Variants in AUTS2 observed in about 807,000 individuals in gnomAD.
AUTS2 encodes the protein activator of transcription and developmental regulator AUTS2.
AUTS2 carries 17 observed loss-of-function variants against 112.4 expected under a neutral mutation model. The observed-to-expected ratio is 0.15, with a 90% CI of 0.10 to 0.23. The LOEUF is 0.23. Ranked by LOEUF, AUTS2 falls within the 10% of genes least tolerant of loss-of-function variation. The pLI, the probability that AUTS2 is intolerant of heterozygous loss-of-function variation, is 1.00. For synonymous variants in AUTS2, 751 were observed against 702.7 expected (o/e 1.07, Z -1.09); for missense variants, 1,510 against 1,701.6 (o/e 0.89, Z 1.98).
chr7:70,369,150 G>A (rs540561568), intron 4 of AUTS2, among the ~76,000 whole-genome samples: 7 of 152,248 alleles, frequency 4.6e-5, no homozygotes, highest in Admixed American at 4.6e-4. Flanking sequence ...TTCTTGGAAT[G>A]GGAAGAGAAA....
intron 2 of AUTS2, among the ~76,000 whole-genome samples, chr7:70,072,016 G>A (rs1485685523): frequency 1.3e-5 from 2 of 152,154 alleles, no homozygotes; most frequent in Non-Finnish European, 2.9e-5. Context: ...GGAAAACTCT[G>A]CAGGCCCTAT....
At chr7:69,618,659 A>G (rs1786489067) in intron 1 of AUTS2, among the ~76,000 whole-genome samples, 1 of 152,160 alleles carries the variant, frequency 6.6e-6, no homozygotes, top group Admixed American at 6.5e-5. Flanking sequence ...AATTTGTCTA[A>G]AAATGTATGC....
chr7:70,282,501 A>G (rs1192724565), intron 4 of AUTS2, among the ~76,000 whole-genome samples: 2 of 152,146 alleles, frequency 1.3e-5, no homozygotes, highest in Admixed American at 1.3e-4. Flanking sequence ...TGTCCTTTAC[A>G]TGGTAGAAGG....
intron 2 of AUTS2, among the ~76,000 whole-genome samples, chr7:70,035,006 T>A (rs1800939264): frequency 6.6e-6 from 1 of 152,152 alleles, no homozygotes. Context: ...TCAATTCTAC[T>A]TTTGATGAAG....
At chr7:69,856,799 G>A (rs1792746251) in intron 1 of AUTS2, among the ~76,000 whole-genome samples, 1 of 152,220 alleles carries the variant, frequency 6.6e-6, no homozygotes, top group Non-Finnish European at 1.5e-5. Flanking sequence ...ACAGGACACA[G>A]TTGGATCAGC....
At chr7:70,204,969 G>T (rs1018998502) in intron 4 of AUTS2, among the ~76,000 whole-genome samples, 2 of 152,044 alleles carry the variant, frequency 1.3e-5, no homozygotes, top group Non-Finnish European at 2.9e-5. Flanking sequence ...ATTTGAGTTT[G>T]GTGACTGTGT....
At chr7:70,503,773 C>T (rs984499994) in intron 5 of AUTS2, among the ~76,000 whole-genome samples, 4 of 151,398 alleles carry the variant, frequency 2.6e-5, no homozygotes, top group African/African-American at 9.7e-5. Context: ...CCCACCTTGG[C>T]CTCCCAAAAT....
At chr7:70,412,379 C>T (rs1177309627) in intron 4 of AUTS2, among the ~76,000 whole-genome samples, 1 of 151,812 alleles carries the variant, frequency 6.6e-6, no homozygotes, top group Non-Finnish European at 1.5e-5. Context: ...TGGATTGATA[C>T]TAAGAGAATA....
intron 5 of AUTS2, among the ~76,000 whole-genome samples, chr7:70,466,009 C>G (rs1276287119): frequency 2.6e-5 from 4 of 152,090 alleles, no homozygotes; most frequent in Non-Finnish European, 5.9e-5. Flanking sequence ...TGGTGTTTCA[C>G]CATGTCATCT....
At chr7:70,452,391 G>A (rs1306361505) in intron 5 of AUTS2, among the ~76,000 whole-genome samples, 5 of 152,090 alleles carry the variant, frequency 3.3e-5, no homozygotes, top group South Asian at 2.1e-4. Flanking sequence ...CCCGGGAGGC[G>A]GAGGTTGCAG....
intron 1 of AUTS2, among the ~76,000 whole-genome samples, chr7:69,720,989 A>G (rs1798901756): frequency 6.6e-6 from 1 of 152,232 alleles, no homozygotes; most frequent in Non-Finnish European, 1.5e-5. Flanking sequence ...CTTACACAGC[A>G]GCAAAAAGAA....
chr7:70,342,336 T>G (rs1489425140), intron 4 of AUTS2, among the ~76,000 whole-genome samples: 1 of 151,822 alleles, frequency 6.6e-6, no homozygotes, highest in African/African-American at 2.4e-5. Context: ...TTTTTTTTTT[T>G]GCGGGGGGGA....
intron 2 of AUTS2, among the ~76,000 whole-genome samples, chr7:70,050,247 C>T (rs1169835170): frequency 6.8e-6 from 1 of 146,790 alleles, no homozygotes; most frequent in South Asian, 2.2e-4. Context: ...GTCCCAGCTA[C>T]TCAGGAGGCT....
chr7:69,669,719 T>G (rs1160419717), intron 1 of AUTS2, among the ~76,000 whole-genome samples: 1 of 151,096 alleles, frequency 6.6e-6, no homozygotes, highest in Non-Finnish European at 1.5e-5. Context: ...CAAAGAAAAT[T>G]GAAAACAATT....
chr7:69,689,343 ATTTTTTTTTTTTT>A (rs530444257), intron 1 of AUTS2, among the ~76,000 whole-genome samples: 1 of 102,500 alleles, frequency 9.8e-6, no homozygotes, highest in Non-Finnish European at 1.9e-5. Flanking sequence ...TAATTAATTA[ATTTTTTTTTTTTT>A]TTTTTTTTTT....
At chr7:70,481,512 C>G (rs1176729932) in intron 5 of AUTS2, among the ~76,000 whole-genome samples, 1 of 152,186 alleles carries the variant, frequency 6.6e-6, no homozygotes, top group East Asian at 1.9e-4. Context: ...ACCCAGGCTT[C>G]CTAGATTCAA....
intron 5 of AUTS2, among the ~76,000 whole-genome samples, chr7:70,553,141 G>C (rs1332680321): frequency 6.6e-6 from 1 of 152,182 alleles, no homozygotes; most frequent in African/African-American, 2.4e-5. Flanking sequence ...GGACTTGTCA[G>C]CAGAGACCGT....
At chr7:70,613,756 C>T (rs955146376) in intron 5 of AUTS2, among the ~76,000 whole-genome samples, 6 of 152,152 alleles carry the variant, frequency 3.9e-5, no homozygotes, top group Admixed American at 6.5e-5. Flanking sequence ...TCCATAGATG[C>T]GAGAAGAGAA....
chr7:70,085,020 G>A (rs1803521400), intron 2 of AUTS2, among the ~76,000 whole-genome samples: 1 of 151,966 alleles, frequency 6.6e-6, no homozygotes, highest in Non-Finnish European at 1.5e-5. Flanking sequence ...TTACAGGCAC[G>A]AACTACCCTA....
Sources: allele counts gnomAD v4.1 joint callset (sites outside exome capture counted in the v4.1 genomes callset), GRCh38; gene constraint gnomAD v4.1.1; transcripts MANE v1.5; gene names NCBI Gene and HGNC (gene_info 2026-07-23, HGNC 2026-07-21).